The following EFL1 variants were observed in gnomAD, a reference collection of about 807,000 sequenced individuals.
EFL1 encodes the protein elongation factor-like GTPase 1.
In EFL1, 76 loss-of-function variants were observed where a neutral mutation model predicts 126.7. The ratio of observed to expected loss-of-function variants is 0.60; its 90% CI spans 0.50 to 0.73. The LOEUF is 0.73. Among genes scored for constraint, EFL1 ranks in the 30% least tolerant of loss-of-function variants. The pLI is 0.00. For synonymous variants in EFL1, 410 were observed against 448.4 expected, an observed-to-expected ratio of 0.91 and a Z score of 1.08; for missense variants, 1,128 against 1,343.2, an observed-to-expected ratio of 0.84 and a Z score of 2.50.
chr15:82,227,061 C>G (rs2074771279), intron 11 of EFL1, among the ~76,000 whole-genome samples: 1 of 151,980 alleles, frequency 6.6e-6, no homozygotes, highest in Non-Finnish European at 1.5e-5. Flanking sequence ...ATAGTGATGC[C>G]AAGAATAACA....
intron 15 of EFL1, among the ~76,000 whole-genome samples, chr15:82,198,969 G>C (rs1270020749): frequency 1.3e-5 from 2 of 151,906 alleles, no homozygotes; most frequent in African/African-American, 4.8e-5. Flanking sequence ...TAAATGATTA[G>C]GATATAAAAT....
chr15:82,238,372 G>A lies in EFL1; in HGVS notation c.666C>T (p.His222=). The change falls in exon 7 of 20, where the codon CAC becomes CAT. Residue 222 remains histidine (H), a synonymous_variant. Coordinates refer to ENST00000268206, the MANE Select transcript of EFL1 (RefSeq NM_024580.6). ...STGLEDTDDS[H]LYFSPEQGNV... is the part of the protein sequence containing the mutation. Reference sequence around the variant, plus strand: ...TTCCCTGTTCTGGAGAGAAGTAAAGGTGAGAATCATCTGTGTCCTCCAAGC... The same window carrying A: ...TTCCCTGTTCTGGAGAGAAGTAAAGATGAGAATCATCTGTGTCCTCCAAGC... 1 of 1,614,202 alleles carries A rather than the reference G, an allele frequency of 6.2e-7. No individual in the cohort carries two copies. Among genetic ancestry groups the A allele is most frequent in the Non-Finnish European group, 8.5e-7 (1 of 1,180,034 alleles).
chr15:82,148,993 T>C (rs2073879001), intron 18 of EFL1, among the ~76,000 whole-genome samples: 1 of 149,764 alleles, frequency 6.7e-6, no homozygotes, highest in African/African-American at 2.5e-5. Flanking sequence ...CTAACATGAT[T>C]GGTAAGCTGA....
Position 82,132,019 on chromosome 15 carries a change from A to G in EFL1, c.3175-1458T>C, listed in dbSNP as rs143600825. Among the ~76,000 whole-genome samples, 1,237 of 152,316 alleles carry G rather than the reference A, an allele frequency of 8.1e-3. 13 individuals carry two copies. Among genetic ancestry groups the G allele is most frequent in the African/African-American group, 0.028 (1,155 of 41,562 alleles). On this transcript the variant is annotated intron_variant, in intron 19 of 19. Transcript: ENST00000268206. ...CAGAGAACAGGATGAGAGTCTTCAG[A>G]TGGAAAAACCTCACTGAGTCTGGAC...
chr15:82,198,582 CAG>C (rs1224999711), intron 15 of EFL1, among the ~76,000 whole-genome samples: 2 of 152,106 alleles, frequency 1.3e-5, no homozygotes, highest in Non-Finnish European at 2.9e-5. Flanking sequence ...GAAGAGGGCA[CAG>C]AGGGTACTGA....
rs187138722 is a variant in EFL1 at position 82,219,043 on chromosome 15, C to A, written c.1611+609G>T. 6.6e-5 allele frequency among the ~76,000 whole-genome samples: 10 copies of A among 152,300 alleles called. No individual in the cohort carries two copies. In the East Asian group the frequency reaches 1.7e-3, roughly 26 times the overall value. ...TGATCCAGACTGGCTGCTTGGACCT[C>A]TGGCACTGTCTTCATCCTATGACCT... On this transcript the variant is annotated intron_variant, in intron 14 of 19. Transcript: ENST00000268206.
chr15:82,180,016 A>C (rs2074233477), intron 15 of EFL1, among the ~76,000 whole-genome samples: 1 of 152,200 alleles, frequency 6.6e-6, no homozygotes, highest in Non-Finnish European at 1.5e-5. Context: ...TGAGGGACTA[A>C]GTACCTTGAC....
intron 19 of EFL1, among the ~76,000 whole-genome samples, chr15:82,134,654 C>T (rs1038386234): frequency 3.9e-5 from 6 of 152,212 alleles, no homozygotes; most frequent in Admixed American, 6.5e-5. Flanking sequence ...TCACTTCACC[C>T]GGTATGAACT....
chr15:82,229,466 C>G (rs985306063), intron 8 of EFL1, among the ~76,000 whole-genome samples: 3 of 152,080 alleles, frequency 2.0e-5, no homozygotes, highest in Non-Finnish European at 4.4e-5. Context: ...AATTATGTTA[C>G]AAGAAACATA....
intron 7 of EFL1, among the ~76,000 whole-genome samples, chr15:82,231,592 G>A (rs1262708714): frequency 6.6e-6 from 1 of 151,732 alleles, no homozygotes; most frequent in Non-Finnish European, 1.5e-5. Flanking sequence ...CTTTTCTTTA[G>A]AGAACAATCT....
intron 14 of EFL1, among the ~76,000 whole-genome samples, chr15:82,217,396 C>T (rs1207930214): frequency 6.5e-5 from 2 of 30,844 alleles, no homozygotes; most frequent in African/African-American, 2.7e-4. Context: ...AAAAAAAAAA[C>T]GAAAACAGCA....
At chr15:82,139,189 G>A (rs967568054) in intron 18 of EFL1, among the ~76,000 whole-genome samples, 2 of 152,140 alleles carry the variant, frequency 1.3e-5, no homozygotes, top group Admixed American at 6.6e-5. Context: ...ATGAGTGACT[G>A]GGCTTCATAA....
chr15:82,209,470 T>C (rs1404251160), intron 15 of EFL1, among the ~76,000 whole-genome samples: 1 of 152,210 alleles, frequency 6.6e-6, no homozygotes, highest in Non-Finnish European at 1.5e-5. Context: ...AAGAATATCA[T>C]GTTTCCTCTC....
At chr15:82,190,482 T>C (rs1223183812) in intron 15 of EFL1, among the ~76,000 whole-genome samples, 2 of 152,348 alleles carry the variant, frequency 1.3e-5, no homozygotes, top group African/African-American at 2.4e-5. Flanking sequence ...TGGATTCTTC[T>C]ATGTTCATTC....
At chr15:82,212,931 G>A (rs1400568598) in intron 15 of EFL1, among the ~76,000 whole-genome samples, 2 of 152,162 alleles carry the variant, frequency 1.3e-5, no homozygotes, top group African/African-American at 2.4e-5. Flanking sequence ...CTCTTCCTGC[G>A]AGGAATGTGG....
chr15:82,220,161 G>A lies in EFL1; in HGVS notation c.1361C>T (p.Ala454Val). 6.2e-7 allele frequency: 1 copy of A among 1,613,782 alleles called. No individual in the cohort carries two copies. Among genetic ancestry groups the A allele is most frequent in the Non-Finnish European group, 8.5e-7 (1 of 1,179,848 alleles). Reference protein sequence around the residue: ...RARQRHAEKLAAAQGQAPLEP... With the variant: ...RARQRHAEKLVAAQGQAPLEP... ...CAAGGGTGCCTGTCCCTGTGCTGCT[G>A]CAAGCTTCTCTGCATGCCTTTGTCT... is the stretch of plus-strand genomic sequence containing the variant. Residue 454 changes from alanine (A) to valine (V), a missense_variant, in exon 13 of 20, where the codon GCA (alanine) becomes GTA (valine). Ala to Val is a moderately conservative substitution (Grantham distance 64). Around this residue, in one of 6 missense-constraint regions of EFL1, gnomAD observed 120 missense variants for 142.1 expected, o/e 0.84. Transcript: ENST00000268206.
At chr15:82,184,713 C>T (rs939648703) in intron 15 of EFL1, among the ~76,000 whole-genome samples, 39 of 152,158 alleles carry the variant, frequency 2.6e-4, no homozygotes, top group Non-Finnish European at 4.4e-4. Context: ...ATTTTCCCCC[C>T]ACATTTGGAA....
At chr15:82,229,000 A>G (rs548989506) in intron 9 of EFL1, 34 bp downstream of exon 9, 6 of 1,552,644 alleles carry the variant, frequency 3.9e-6, no homozygotes, top group Admixed American at 3.7e-5. Context: ...TATACTGCCT[A>G]AAGATGCCTA....
At chr15:82,212,630 T>G (rs527860165) in intron 15 of EFL1, among the ~76,000 whole-genome samples, 9 of 152,362 alleles carry the variant, frequency 5.9e-5, no homozygotes, top group Admixed American at 5.2e-4. Context: ...TTCTCTTTAA[T>G]GTAAAGAAAA....
Sources: gnomAD v4.1 joint callset for allele counts (sites outside exome capture counted in the v4.1 genomes callset) on GRCh38, gnomAD v4.1.1 for gene constraint, gnomAD v4.1.1 regional missense constraint, MANE v1.5 for transcripts, NCBI Gene and HGNC (gene_info 2026-07-23, HGNC 2026-07-21) for gene names.